Variants in METTL21C observed in about 807,000 individuals in gnomAD.
The protein encoded by METTL21C is protein-lysine methyltransferase METTL21C.
In METTL21C, 21 loss-of-function variants were observed where a neutral mutation model predicts 25.9. That is an observed-to-expected ratio of 0.81 (90% CI 0.58 to 1.17). The LOEUF (loss-of-function observed/expected upper bound fraction) is 1.17, where lower values mean the gene tolerates loss of function less well. Ranked by LOEUF, METTL21C falls within the 50% of genes most tolerant of loss-of-function variation. The pLI is 0.00. For synonymous variants in METTL21C, 125 were observed against 124.7 expected, an observed-to-expected ratio of 1.00 and a Z score of -0.01; for missense variants, 312 against 315.1, an observed-to-expected ratio of 0.99 and a Z score of 0.07.
At position 102,690,847 on chromosome 13, in the gene METTL21C, G is replaced by A. The variant is rs372296617; in HGVS notation, c.248C>T (p.Ser83Phe). The A allele has an allele frequency of 1.4e-5, 23 of 1,614,002 alleles. No homozygotes were observed. Among genetic ancestry groups the A allele is most frequent in the Middle Eastern group, 1.6e-4 (1 of 6,084 alleles). The change falls in exon 2 of 4, where the codon TCC (serine) becomes TTC (phenylalanine). Residue 83 changes from serine to phenylalanine, a missense_variant. Ser to Phe is a radical substitution (Grantham distance 155). Transcript: ENST00000267273. Reference sequence around the variant, plus strand: ...CACCACCGCTCCGTAACTCTCTATGGATTCCTGGATGACAATCTCCTTTCC... The same window carrying A: ...CACCACCGCTCCGTAACTCTCTATGAATTCCTGGATGACAATCTCCTTTCC... ...FAGKEIVIQESIESYGAVVWP... is the reference protein window; with the variant it reads ...FAGKEIVIQEFIESYGAVVWP...
rs1303314745 is a variant in METTL21C, at chr13:102,695,014, A to G, written c.-516T>C. Among the ~76,000 whole-genome samples, 1 of 152,096 alleles carries G rather than the reference A, an allele frequency of 6.6e-6. No homozygotes were observed. The highest frequency in any genetic ancestry group is 1.9e-4 in the East Asian group (1 of 5,188). On this transcript the variant is annotated 5_prime_UTR_variant, in exon 1 of 4. It removes an upstream start codon present in the reference 5' UTR. Transcript: ENST00000267273. ...ACAGAACAGAGGCTGCCCCTGTGGC[A>G]TCCAGTTGCTGCGATGTGGTTCGAA...
At chr13:102,697,593 G>A (rs959214268), upstream of METTL21C, among the ~76,000 whole-genome samples, 4 of 152,074 alleles carry the variant, frequency 2.6e-5, no homozygotes, top group Non-Finnish European at 4.4e-5. Context: ...GTGTCTCAGT[G>A]TTCTCGTCTA....
upstream of METTL21C, among the ~76,000 whole-genome samples, chr13:102,698,427 C>T (rs1440263284): frequency 6.6e-6 from 1 of 152,074 alleles, no homozygotes; most frequent in African/African-American, 2.4e-5. Flanking sequence ...TCAGATAGAC[C>T]CTGTTACAAG....
upstream of METTL21C, among the ~76,000 whole-genome samples, chr13:102,695,081 G>A (rs1885925970): frequency 6.6e-6 from 1 of 152,078 alleles, no homozygotes; most frequent in Non-Finnish European, 1.5e-5. Context: ...GTGGGTGTTG[G>A]ACAGTTGCAC....
chr13:102,695,457 A>G (rs947530562), upstream of METTL21C, among the ~76,000 whole-genome samples: 2 of 152,238 alleles, frequency 1.3e-5, no homozygotes, highest in Non-Finnish European at 2.9e-5. Context: ...AATATAGGTC[A>G]CACAAAGTAA....
chr13:102,686,507 A>G, intron 3 of METTL21C, 82 bp from the exon 4 acceptor site: 1 of 1,465,862 alleles, frequency 6.8e-7, no homozygotes, highest in Non-Finnish European at 9.2e-7. Context: ...ACAAGAAACA[A>G]CTGGATTCCT....
At chr13:102,686,772 A>G (rs1415351869) in intron 3 of METTL21C, among the ~76,000 whole-genome samples, 168 bp downstream of exon 3, 2 of 152,214 alleles carry the variant, frequency 1.3e-5, no homozygotes, top group African/African-American at 4.8e-5. Flanking sequence ...CTGAGACTCA[A>G]TGATCTCTGT....
upstream of METTL21C, among the ~76,000 whole-genome samples, chr13:102,696,220 T>C (rs545376101): frequency 2.0e-5 from 3 of 152,268 alleles, no homozygotes; most frequent in Non-Finnish European, 2.9e-5. Context: ...TGCAGGGACA[T>C]GGATGAAGCT....
chr13:102,688,869 C>G (rs78089421), intron 2 of METTL21C, among the ~76,000 whole-genome samples: 3,804 of 90,034 alleles, frequency 0.042, 52 homozygotes, highest in Middle Eastern at 0.13. Context: ...CAAACATTCC[C>G]CCGCCAGCCC....
chr13:102,702,139 A>G, the METTL21C span, among the ~76,000 whole-genome samples: 2 of 151,426 alleles, frequency 1.3e-5, no homozygotes, highest in Admixed American at 6.6e-5. Context: ...ATTCCAGTCT[A>G]GGTGACAGAG....
At chr13:102,694,237 C>T in intron 1 of METTL21C, 132 bp downstream of exon 1, 1 of 995,652 alleles carries the variant, frequency 1.0e-6, no homozygotes. Flanking sequence ...CATTTTTCTG[C>T]TAAGCTTCAT....
At chr13:102,700,984 A>G in the METTL21C span, among the ~76,000 whole-genome samples, 14 of 152,098 alleles carry the variant, frequency 9.2e-5, no homozygotes, top group African/African-American at 3.1e-4. Flanking sequence ...GATTTTAGCA[A>G]CAGCAGTTGA....
chr13:102,702,829 G>A, the METTL21C span, among the ~76,000 whole-genome samples: 1 of 152,178 alleles, frequency 6.6e-6, no homozygotes, highest in Non-Finnish European at 1.5e-5. Flanking sequence ...GACCTCAGGT[G>A]ATCCACCCAC....
chr13:102,702,389 A>G, the METTL21C span, among the ~76,000 whole-genome samples: 3 of 152,156 alleles, frequency 2.0e-5, no homozygotes, highest in Admixed American at 1.3e-4. Context: ...CCTATTTAGC[A>G]TTGTGTAGAA....
chr13:102,696,919 G>T (rs1448898799), upstream of METTL21C, among the ~76,000 whole-genome samples: 1 of 152,162 alleles, frequency 6.6e-6, no homozygotes, highest in South Asian at 2.1e-4. Flanking sequence ...GATTGACGGG[G>T]GGCAGGGCAG....
chr13:102,700,757 A>G, the METTL21C span, among the ~76,000 whole-genome samples: 1 of 152,150 alleles, frequency 6.6e-6, no homozygotes, highest in Non-Finnish European at 1.5e-5. Context: ...CTTCACAGTG[A>G]TTCAGCTTTG....
chr13:102,697,398 C>CTCCT (rs1885964225), upstream of METTL21C, among the ~76,000 whole-genome samples: 1 of 152,096 alleles, frequency 6.6e-6, no homozygotes, highest in African/African-American at 2.4e-5. Context: ...GCTGCAAAAC[C>CTCCT]TCCTACAATG....
chr13:102,694,900 T>TCACACACACACA lies in METTL21C; in HGVS notation c.-414_-403dup, dbSNP rs55715774. Among the ~76,000 whole-genome samples, 13 of 135,480 alleles carry TCACACACACACA rather than the reference T, an allele frequency of 9.6e-5. No individual in the cohort carries two copies. The highest frequency in any genetic ancestry group is 2.5e-4 in the South Asian group (1 of 4,078). 88.9% of individuals were successfully genotyped at this position (135,480 alleles called of 152,430 possible). The stretch of plus-strand genomic sequence containing the variant: ...CTCTCTCTCTCTCTCTCTCTCTCTC[T>TCACACACACACA]CACACACACACACACACACACACAC... On this transcript the variant is annotated 5_prime_UTR_variant, in exon 1 of 4. It removes the in-frame stop codon of an upstream open reading frame in the 5' UTR. Coordinates refer to ENST00000267273, the MANE Select transcript of METTL21C (RefSeq NM_001010977.3).
chr13:102,685,935 A>G lies in METTL21C; in HGVS notation c.*96T>C. The G allele has an allele frequency of 7.8e-7, 1 of 1,277,160 alleles. No homozygotes were observed. The highest frequency in any genetic ancestry group is 1.5e-5 in the African/African-American group (1 of 66,826). The allele number at this position is 1,277,160 out of a possible 1,614,324, so 79.1% of individuals were successfully genotyped here. ...AGTATACAAGTTGTTTCTATGCACT[A>G]CCTTCTCAATCCTGTGAAAGAAGTC... is the stretch of plus-strand genomic sequence containing the variant. On this transcript the variant is annotated 3_prime_UTR_variant, in exon 4 of 4. Coordinates refer to ENST00000267273, the MANE Select transcript of METTL21C (RefSeq NM_001010977.3).
Sources: gnomAD v4.1 joint callset for allele counts (sites outside exome capture counted in the v4.1 genomes callset) on GRCh38, gnomAD v4.1.1 for gene constraint, MANE v1.5 for transcripts, NCBI Gene and HGNC (gene_info 2026-07-23, HGNC 2026-07-21) for gene names.